FBN2: variants seen among roughly 807,000 people sequenced by gnomAD.
FBN2 encodes fibrillin-2.
In FBN2, 105 loss-of-function variants were observed where a neutral mutation model predicts 355.6. The ratio of observed to expected loss-of-function variants is 0.30; its 90% CI spans 0.25 to 0.35. FBN2 has a LOEUF of 0.35. Among genes scored for constraint, FBN2 ranks in the 10% least tolerant of loss-of-function variants. FBN2 has a pLI of 1.00. For synonymous variants in FBN2, 1,350 were observed against 1,301.2 expected, an observed-to-expected ratio of 1.04 and a Z score of -0.81; for missense variants, 3,280 against 3,758.7, an observed-to-expected ratio of 0.87 and a Z score of 3.33.
At chr5:128,412,681 T>C (rs1753102185) in intron 7 of FBN2, among the ~76,000 whole-genome samples, 1 of 152,182 alleles carries the variant, frequency 6.6e-6, no homozygotes, top group Non-Finnish European at 1.5e-5. Context: ...TGATGGACAA[T>C]AAGCTTAGCT....
At chr5:128,286,928 T>C in intron 54 of FBN2, 79 bp from the exon 55 acceptor site, 1 of 1,351,658 alleles carries the variant, frequency 7.4e-7, no homozygotes, top group Non-Finnish European at 1.0e-6. Context: ...TGTGGTCTTC[T>C]GACACTTAAC....
chr5:128,318,740 G>C (rs371101993), intron 35 of FBN2, 139 bp downstream of exon 35: 1 of 721,544 alleles, frequency 1.4e-6, no homozygotes, highest in Non-Finnish European at 2.3e-6. Context: ...AAATGCATCT[G>C]AATATAATTT....
At chr5:128,419,898 T>C (rs949787170) in intron 7 of FBN2, among the ~76,000 whole-genome samples, 13 of 152,164 alleles carry the variant, frequency 8.5e-5, no homozygotes, top group African/African-American at 2.4e-4. Flanking sequence ...TTTCTCCATG[T>C]TGGTCAGGCT....
chr5:128,311,521 G>T, intron 38 of FBN2, 96 bp from the exon 39 acceptor site: 1 of 1,314,806 alleles, frequency 7.6e-7, no homozygotes, highest in Non-Finnish European at 1.1e-6. Flanking sequence ...GTAAGAATCA[G>T]ATTTCTATGC....
intron 4 of FBN2, among the ~76,000 whole-genome samples, chr5:128,526,892 T>C (rs1422462401): frequency 6.6e-6 from 1 of 152,164 alleles, no homozygotes; most frequent in Non-Finnish European, 1.5e-5. Flanking sequence ...TTTTGTTATG[T>C]ATATTTTACA....
intron 21 of FBN2, 73 bp from the exon 22 acceptor site, chr5:128,350,078 A>ATG: frequency 7.9e-7 from 1 of 1,267,752 alleles, no homozygotes; most frequent in Non-Finnish European, 1.2e-6. Flanking sequence ...AAGAAGAAGT[A>ATG]TAATGAAATC....
intron 34 of FBN2, among the ~76,000 whole-genome samples, chr5:128,324,980 G>C (rs1326289996): frequency 6.6e-6 from 1 of 151,752 alleles, no homozygotes. Flanking sequence ...GAGACTGTTT[G>C]TTATTATTTC....
chr5:128,376,827 T>C lies in FBN2; in HGVS notation c.1876A>G (p.Met626Val), dbSNP rs1385431281. Residue 626 changes from methionine to valine, a missense_variant, in exon 14 of 65, where the codon ATG becomes GTG. Physicochemically the swap from Met to Val is conservative, Grantham distance 21 (BLOSUM62 1). Coordinates refer to ENST00000262464, the MANE Select transcript of FBN2 (RefSeq NM_001999.4). ...VDHDECTTTN[M>V]CLNGMCINED... ...TTGATGCACATTCCATTCAAACACA[T>C]GTTGGTAGTTGTACATTCATCATGA... The C allele has an allele frequency of 1.2e-6, 2 of 1,613,532 alleles. No homozygotes were observed. The highest frequency in any genetic ancestry group is 3.3e-5 in the Admixed American group (2 of 59,972).
intron 2 of FBN2, among the ~76,000 whole-genome samples, chr5:128,533,501 A>G (rs1334267491): frequency 6.6e-6 from 1 of 152,212 alleles, no homozygotes; most frequent in African/African-American, 2.4e-5. Context: ...TAGAAATACC[A>G]GAGGGAGAGG....
chr5:128,311,790 T>C, intron 38 of FBN2, 95 bp downstream of exon 38: 1 of 855,520 alleles, frequency 1.2e-6, no homozygotes, highest in Non-Finnish European at 2.0e-6. Flanking sequence ...TAAATTATCT[T>C]GTCGGGGCTG....
chr5:128,472,276 G>C (rs1018080183), intron 5 of FBN2, among the ~76,000 whole-genome samples: 1 of 152,150 alleles, frequency 6.6e-6, no homozygotes, highest in African/African-American at 2.4e-5. Context: ...GGGAAATACT[G>C]CATGATTTCA....
intron 5 of FBN2, among the ~76,000 whole-genome samples, chr5:128,482,624 T>A (rs913211772): frequency 5.3e-5 from 8 of 152,134 alleles, no homozygotes; most frequent in African/African-American, 1.9e-4. Flanking sequence ...TGTGTCTGCA[T>A]TTAGATTAGA....
At chr5:128,536,369 T>G (rs780741212) in intron 2 of FBN2, 33 bp downstream of exon 2, 1 of 1,573,954 alleles carries the variant, frequency 6.4e-7, no homozygotes, top group Non-Finnish European at 8.7e-7. Flanking sequence ...CCGAGTGCGC[T>G]GCCCCAAGCT....
intron 7 of FBN2, among the ~76,000 whole-genome samples, chr5:128,432,224 C>T (rs1207889170): frequency 6.6e-6 from 1 of 152,070 alleles, no homozygotes; most frequent in Non-Finnish European, 1.5e-5. Context: ...AGTTTTGATG[C>T]ACTGGTTGTA....
intron 36 of FBN2, among the ~76,000 whole-genome samples, chr5:128,313,649 A>G (rs1229193785): frequency 6.6e-6 from 1 of 151,848 alleles, no homozygotes; most frequent in Non-Finnish European, 1.5e-5. Context: ...CATATCTGGA[A>G]TCGACCATCC....
rs1445563045 is a variant in FBN2, at chr5:128,537,708, G to A, written c.-105C>T. ...GTCAGGGTCTAATAAGCCCTTCGTC[G>A]GCTCCGGGGACTCCCTCGGGCTCGG... On this transcript the variant is annotated 5_prime_UTR_variant, in exon 1 of 65. Transcript: ENST00000262464. The A allele has an allele frequency of 6.0e-6, 7 of 1,158,028 alleles. No homozygotes were observed. In the East Asian group the frequency reaches 1.3e-4, roughly 21 times the overall value. 71.7% of individuals were successfully genotyped at this position (1,158,028 alleles called of 1,614,324 possible). A position where few individuals can be genotyped will look rare whatever the true frequency, so the allele number is the denominator to read the frequency against.
chr5:128,276,014 G>T lies in FBN2; in HGVS notation c.7594+24C>A, dbSNP rs555283346. 3.7e-6 allele frequency: 6 copies of T among 1,612,358 alleles called. No homozygotes were observed. The African/African-American group carries it at 6.7e-5, about 18-fold the overall frequency. On this transcript the variant is annotated intron_variant, in intron 59 of 64. Transcript: ENST00000262464. ...AAGAAAAGATACAGACTAGGGTCACGATTGTCAGAGACTCTTCACTCACCT... is the reference window on the plus strand; with the variant it reads ...AAGAAAAGATACAGACTAGGGTCACTATTGTCAGAGACTCTTCACTCACCT...
chr5:128,464,340 T>C (rs1754638305), intron 6 of FBN2, among the ~76,000 whole-genome samples: 1 of 152,180 alleles, frequency 6.6e-6, no homozygotes, highest in African/African-American at 2.4e-5. Context: ...GTTACTTGGG[T>C]TCAGATTCTC....
At chr5:128,400,405 A>G (rs946562901) in intron 8 of FBN2, among the ~76,000 whole-genome samples, 1 of 151,966 alleles carries the variant, frequency 6.6e-6, no homozygotes, top group Non-Finnish European at 1.5e-5. Flanking sequence ...CTACATGGAG[A>G]AACTGAGAAA....
Sources: allele counts gnomAD v4.1 joint callset (sites outside exome capture counted in the v4.1 genomes callset), GRCh38; gene constraint gnomAD v4.1.1; transcripts MANE v1.5; gene names NCBI Gene and HGNC (gene_info 2026-07-23, HGNC 2026-07-21).